Variants in SRSF7 observed in about 807,000 individuals in gnomAD.
SRSF7 encodes the protein serine and arginine rich splicing factor 7.
SRSF7 carries 15 observed loss-of-function variants against 42.2 expected under a neutral mutation model. The ratio of observed to expected loss-of-function variants is 0.36; its 90% CI spans 0.24 to 0.55. The LOEUF is 0.55. Among genes scored for constraint, SRSF7 ranks in the 20% least tolerant of loss-of-function variants. SRSF7 has a pLI of 0.88. For missense variants in SRSF7, 181 were observed against 305.9 expected (o/e 0.59, Z 3.04); for synonymous variants, 138 against 107.9 (o/e 1.28, Z -1.73).
Position 38,744,929 on chromosome 2 carries a change from A to G in SRSF7, c.*204T>C. The G allele has an allele frequency of 2.1e-6, 1 of 480,904 alleles. No individual in the cohort carries two copies. Among genetic ancestry groups the G allele is most frequent in the Non-Finnish European group, 3.6e-6 (1 of 277,932 alleles). The allele number at this position is 480,904 out of a possible 1,614,324, so 29.8% of individuals were successfully genotyped here. A position where few individuals can be genotyped will look rare whatever the true frequency, so the allele number is the denominator to read the frequency against. On this transcript the variant is annotated 3_prime_UTR_variant, in exon 8 of 8. Transcript: ENST00000313117. ...ACATTTTATTTAAATGTGCCAAATAAAAACCCACATTTTCAGACCATATGA... is the reference window on the plus strand; with the variant it reads ...ACATTTTATTTAAATGTGCCAAATAGAAACCCACATTTTCAGACCATATGA...
At chr2:38,748,231 C>T (rs1450831835) in intron 4 of SRSF7, 74 bp from the exon 5 acceptor site, 84 of 1,120,610 alleles carry the variant, frequency 7.5e-5, no homozygotes, top group Non-Finnish European at 1.0e-4. Flanking sequence ...AACTGGGGAA[C>T]GGTGCAGTGG....
At chr2:38,747,702 T>TA (rs1181156241) in intron 5 of SRSF7, among the ~76,000 whole-genome samples, 18 of 152,196 alleles carry the variant, frequency 1.2e-4, no homozygotes, top group African/African-American at 1.9e-4. Flanking sequence ...CTGGTGCTAA[T>TA]AGGCCTTTTT....
At chr2:38,749,748 T>C (rs767347231) in intron 2 of SRSF7, 43 bp from the exon 3 acceptor site, 13 of 1,485,920 alleles carry the variant, frequency 8.7e-6, no homozygotes, top group Non-Finnish European at 1.1e-5. Context: ...TAAAAATATA[T>C]TCAGGACTTA....
Position 38,743,842 on chromosome 2 carries a change from A to G in SRSF7, c.*1291T>C. The G allele has an allele frequency of 4.6e-5, 7 of 152,588 alleles. No individual in the cohort carries two copies. The highest frequency in any genetic ancestry group is 7.3e-5 in the Non-Finnish European group (5 of 68,030). The allele number at this position is 152,588 out of a possible 1,614,324, so 9.5% of individuals were successfully genotyped here. A position where few individuals can be genotyped will look rare whatever the true frequency, so the allele number is the denominator to read the frequency against. ...TATTCCCAAGTTGCAATAGTATCCA[A>G]TGACTTTGCTGAAATGCATAAAATG... On this transcript the variant is annotated 3_prime_UTR_variant, in exon 8 of 8. Transcript: ENST00000313117.
chr2:38,747,523 T>C (rs924951196), intron 5 of SRSF7, among the ~76,000 whole-genome samples: 2 of 152,094 alleles, frequency 1.3e-5, no homozygotes, highest in Non-Finnish European at 2.9e-5. Context: ...CTTCTACAAA[T>C]AGTAAAGCTC....
chr2:38,751,331 C>A lies in SRSF7; in HGVS notation c.-75G>T. ...GAGTGACGCAAAAGCTGACACACAC[C>A]TTCACCCGCCAAGAGTCCCGGCGGC... is the stretch of plus-strand genomic sequence containing the variant. On this transcript the variant is annotated 5_prime_UTR_variant, in exon 1 of 8. The change creates a new upstream start codon in the 5' untranslated region. Transcript: ENST00000313117. 49 of 1,600,460 alleles carry A rather than the reference C, an allele frequency of 3.1e-5. No individual in the cohort carries two copies. Among genetic ancestry groups the A allele is most frequent in the Admixed American group, 1.9e-4 (11 of 59,394 alleles).
chr2:38,751,397 C>T (rs764002289), upstream of SRSF7: 6 of 1,146,562 alleles, frequency 5.2e-6, no homozygotes, highest in East Asian at 2.5e-5. Flanking sequence ...TATATGCGGC[C>T]GCTGCGCTTT....
At chr2:38,751,045 G>C in intron 1 of SRSF7, 184 bp downstream of exon 1, 1 of 705,354 alleles carries the variant, frequency 1.4e-6, no homozygotes, top group Non-Finnish European at 2.5e-6. Context: ...CGGCAGAGAT[G>C]TACACCCGCC....
chr2:38,743,656 G>A lies in SRSF7; in HGVS notation c.*1477C>T. ...AGTAAACTTATCTTTAAATAATACA[G>A]AACAATTAAAGCTAACCAAGTGCAA... On this transcript the variant is annotated 3_prime_UTR_variant, in exon 8 of 8. Coordinates refer to ENST00000313117, the MANE Select transcript of SRSF7 (RefSeq NM_001031684.3). 6.6e-6 allele frequency: 1 copy of A among 152,588 alleles called. No individual in the cohort carries two copies. The highest frequency in any genetic ancestry group is 6.5e-5 in the Admixed American group (1 of 15,268). The allele number at this position is 152,588 out of a possible 1,614,324, so 9.5% of individuals were successfully genotyped here.
Position 38,744,882 on chromosome 2 carries a change from CA to C in SRSF7, c.*250del. 2 of 440,496 alleles carry C rather than the reference CA, an allele frequency of 4.5e-6. No individual in the cohort carries two copies. Among genetic ancestry groups the C allele is most frequent in the African/African-American group, 2.0e-5 (1 of 50,524 alleles). 27.3% of individuals were successfully genotyped at this position (440,496 alleles called of 1,614,324 possible). ...AATTAAGAAGTGTTAATATTGAACA[CA>C]AATCAAAAATCTAGTTAGAAACATT... On this transcript the variant is annotated 3_prime_UTR_variant, in exon 8 of 8. Coordinates refer to ENST00000313117, the MANE Select transcript of SRSF7 (RefSeq NM_001031684.3).
At chr2:38,747,073 C>A (rs1204441519) in intron 5 of SRSF7, 3 of 501,868 alleles carry the variant, frequency 6.0e-6, no homozygotes, top group South Asian at 1.5e-5. Flanking sequence ...TCACTTAAGG[C>A]ACAGATCCCT....
chr2:38,746,000 A>AG (rs369158569), intron 7 of SRSF7, 144 bp downstream of exon 7: 7 of 722,316 alleles, frequency 9.7e-6, no homozygotes, highest in African/African-American at 1.8e-5. Flanking sequence ...AAAAAAAAAA[A>AG]GTATTTCAGA....
At position 38,751,336 on chromosome 2, in the gene SRSF7, C is replaced by G; in HGVS notation, c.-80G>C. The G allele has an allele frequency of 8.1e-5, 129 of 1,598,440 alleles. No individual in the cohort carries two copies. In the African/African-American group the frequency reaches 1.2e-3, roughly 15 times the overall value. Reference sequence around the variant, plus strand: ...ACGCAAAAGCTGACACACACCTTCACCCGCCAAGAGTCCCGGCGGCACTAC... The same window carrying G: ...ACGCAAAAGCTGACACACACCTTCAGCCGCCAAGAGTCCCGGCGGCACTAC... On this transcript the variant is annotated 5_prime_UTR_variant, in exon 1 of 8. Coordinates refer to ENST00000313117, the MANE Select transcript of SRSF7 (RefSeq NM_001031684.3).
At chr2:38,751,411 C>T (rs1558615819), upstream of SRSF7, 5 of 955,562 alleles carry the variant, frequency 5.2e-6, no homozygotes, top group Non-Finnish European at 8.0e-6. Context: ...GCGCTTTGCG[C>T]ATGCGTCATC....
upstream of SRSF7, chr2:38,751,373 C>G (rs1051916145): frequency 5.6e-6 from 8 of 1,431,060 alleles, no homozygotes; most frequent in Admixed American, 1.8e-5. Flanking sequence ...AGGAAGAGCC[C>G]GGGTTCGCGT....
chr2:38,748,174 T>A lies in SRSF7; in HGVS notation c.462-17A>T, dbSNP rs576217614. On this transcript the variant is annotated splice_polypyrimidine_tract_variant and intron_variant, in intron 4 of 7. Coordinates refer to ENST00000313117, the MANE Select transcript of SRSF7 (RefSeq NM_001031684.3). The stretch of plus-strand genomic sequence containing the variant: ...GACCTTGACCTAAAATAAAGAACTT[T>A]AAGTCCATCTCCACAGTTTTTTTTT... The A allele has an allele frequency of 1.0e-5, 16 of 1,582,966 alleles. No homozygotes were observed. The South Asian group carries it at 1.5e-4, about 15-fold the overall frequency.
intron 2 of SRSF7, 50 bp from the exon 3 acceptor site, chr2:38,749,755 C>T (rs953176511): frequency 4.8e-6 from 7 of 1,468,768 alleles, no homozygotes; most frequent in Non-Finnish European, 5.4e-6. Context: ...ATATTCAGGA[C>T]TTATAGATTT....
Position 38,748,638 on chromosome 2 carries a change from T to C in SRSF7, c.402A>G (p.Ser134=). The change falls in exon 4 of 8, where the codon TCA becomes TCG. Residue 134 remains serine (S), a synonymous_variant. Coordinates refer to ENST00000313117, the MANE Select transcript of SRSF7 (RefSeq NM_001031684.3). ...ATCGCCTTCCTCTGGATCGAGAATG[T>C]GATCTAGACCGTGACCTATTTTTCA... The part of the protein sequence containing the change: ...RRRRSRSRSR[S]HSRSRGRRYS... The C allele has an allele frequency of 1.2e-6, 2 of 1,614,158 alleles. No individual in the cohort carries two copies. Among genetic ancestry groups the C allele is most frequent in the Middle Eastern group, 3.3e-4 (2 of 6,062 alleles).
Position 38,751,269 on chromosome 2 carries a change from G to C in SRSF7, c.-13C>G. The C allele has an allele frequency of 6.2e-7, 1 of 1,614,052 alleles. No individual in the cohort carries two copies. Among genetic ancestry groups the C allele is most frequent in the Non-Finnish European group, 8.5e-7 (1 of 1,179,980 alleles). ...CGTAACGCGACATGATGACAGACCC[G>C]CGTGCTCGGCTCTTTAGCAAGCAGC... On this transcript the variant is annotated 5_prime_UTR_variant, in exon 1 of 8. Transcript: ENST00000313117.
Sources: allele counts gnomAD v4.1 joint callset (sites outside exome capture counted in the v4.1 genomes callset), GRCh38; gene constraint gnomAD v4.1.1; transcripts MANE v1.5; gene names NCBI Gene and HGNC (gene_info 2026-07-23, HGNC 2026-07-21).